The following HYCC2 variants were observed in gnomAD, a reference collection of about 807,000 sequenced individuals.
HYCC2 encodes the protein hyccin 2.
chr2:201,034,460 T>G, the HYCC2 span, among the ~76,000 whole-genome samples: 65 of 152,274 alleles, frequency 4.3e-4, 1 homozygote, highest in African/African-American at 1.5e-3. Flanking sequence ...ATTTGCTGGG[T>G]AGATCTTCCT....
the HYCC2 span, among the ~76,000 whole-genome samples, chr2:201,034,870 T>G: frequency 1.3e-5 from 2 of 152,222 alleles, no homozygotes; most frequent in Admixed American, 1.3e-4. Flanking sequence ...AAGCTTAGTT[T>G]GGCTGGATAT....
the HYCC2 span, among the ~76,000 whole-genome samples, chr2:201,059,968 C>G: frequency 1.4e-5 from 2 of 143,052 alleles, no homozygotes; most frequent in South Asian, 2.2e-4. Flanking sequence ...CACTTGAACC[C>G]GGGAGGCGGA....
the HYCC2 span, among the ~76,000 whole-genome samples, chr2:201,029,986 C>G: frequency 6.6e-6 from 1 of 152,106 alleles, no homozygotes; most frequent in South Asian, 2.1e-4. Flanking sequence ...ACTGAGGAGG[C>G]TGAGGTGGGA....
chr2:200,990,046 T>G, the HYCC2 span, among the ~76,000 whole-genome samples: 47 of 152,230 alleles, frequency 3.1e-4, no homozygotes, highest in East Asian at 2.1e-3. Context: ...TTTTTCTACC[T>G]CATACAAGCT....
chr2:201,034,200 A>T, the HYCC2 span, among the ~76,000 whole-genome samples: 1 of 152,204 alleles, frequency 6.6e-6, no homozygotes, highest in Non-Finnish European at 1.5e-5. Context: ...ACTAGTTTTA[A>T]GACAGTAATT....
the HYCC2 span, among the ~76,000 whole-genome samples, chr2:201,066,054 T>C: frequency 1.3e-5 from 2 of 152,136 alleles, no homozygotes; most frequent in African/African-American, 2.4e-5. Flanking sequence ...TTAGATTTTA[T>C]AAAAGCCCTT....
chr2:200,975,678 C>A, the HYCC2 span: 2 of 152,212 alleles, frequency 1.3e-5, no homozygotes, highest in Middle Eastern at 3.4e-3. Flanking sequence ...TATTTCACAT[C>A]ATTCCCAGCT....
the HYCC2 span, chr2:201,022,206 C>T: frequency 1.6e-6 from 1 of 615,614 alleles, no homozygotes; most frequent in Admixed American, 2.4e-5. Context: ...GTATGTCATA[C>T]TACTGTGTTA....
chr2:201,017,222 G>A, the HYCC2 span: 1 of 1,338,008 alleles, frequency 7.5e-7, no homozygotes, highest in Non-Finnish European at 1.0e-6. Flanking sequence ...GGTTGTAACT[G>A]TTGTTTTTTT....
At chr2:201,004,917 T>TGAGGCAGGAGAATGGTGTG in the HYCC2 span, among the ~76,000 whole-genome samples, 3 of 148,432 alleles carry the variant, frequency 2.0e-5, no homozygotes, top group Admixed American at 2.1e-4. Flanking sequence ...CTTGGGAGCC[T>TGAGGCAGGAGAATGGTGTG]GAGGCAGGAG....
At chr2:201,010,122 AAAG>A in the HYCC2 span, among the ~76,000 whole-genome samples, 160 of 151,798 alleles carry the variant, frequency 1.1e-3, 1 homozygote, top group South Asian at 0.012. Flanking sequence ...AAAAAAAAGA[AAAG>A]AAGAAGAAGA....
chr2:201,067,340 G>A, the HYCC2 span: 1 of 152,272 alleles, frequency 6.6e-6, no homozygotes, highest in Non-Finnish European at 1.5e-5. Flanking sequence ...AGTTTCATGT[G>A]TCAAAATAGG....
the HYCC2 span, among the ~76,000 whole-genome samples, chr2:201,044,420 A>G: frequency 6.6e-6 from 1 of 152,182 alleles, no homozygotes; most frequent in Non-Finnish European, 1.5e-5. Flanking sequence ...CCCTAACTAC[A>G]ACATAATGAA....
the HYCC2 span, among the ~76,000 whole-genome samples, chr2:201,016,168 ACAAT>A: frequency 6.6e-6 from 1 of 152,078 alleles, no homozygotes; most frequent in African/African-American, 2.4e-5. Flanking sequence ...TATTAATAAT[ACAAT>A]CAATTATAGT....
chr2:200,992,169 G>A, the HYCC2 span: 1 of 713,870 alleles, frequency 1.4e-6, no homozygotes, highest in Non-Finnish European at 2.4e-6. Flanking sequence ...TTAACCAACT[G>A]TTATCATGGA....
chr2:201,017,653 G>A, the HYCC2 span, among the ~76,000 whole-genome samples: 1 of 152,152 alleles, frequency 6.6e-6, no homozygotes, highest in South Asian at 2.1e-4. Flanking sequence ...GAGTCATGCT[G>A]TTGGGCAAAG....
the HYCC2 span, chr2:200,979,472 G>T: frequency 3.3e-5 from 5 of 151,618 alleles, no homozygotes; most frequent in Non-Finnish European, 7.4e-5. Flanking sequence ...CTAACAGAAA[G>T]TCTCTTAGGG....
At chr2:201,035,161 T>G in the HYCC2 span, among the ~76,000 whole-genome samples, 4 of 152,234 alleles carry the variant, frequency 2.6e-5, no homozygotes, top group African/African-American at 7.2e-5. Context: ...CTTGCTAGAT[T>G]GGGGAAGTTC....
chr2:201,028,967 A>G, the HYCC2 span, among the ~76,000 whole-genome samples: 6 of 152,238 alleles, frequency 3.9e-5, no homozygotes, highest in Non-Finnish European at 7.3e-5. Flanking sequence ...GGATCTAATT[A>G]AACTAAAGAG....
Sources: allele counts gnomAD v4.1 joint callset (sites outside exome capture counted in the v4.1 genomes callset), GRCh38; gene constraint gnomAD v4.1.1; transcripts MANE v1.5; gene names NCBI Gene and HGNC (gene_info 2026-07-23, HGNC 2026-07-21).